Variants in KCNH7 observed in about 807,000 individuals in gnomAD.
KCNH7 encodes voltage-gated inwardly rectifying potassium channel KCNH7.
A neutral mutation model predicts 120.8 loss-of-function variants in KCNH7; 49 were observed. The observed-to-expected ratio is 0.41, with a 90% CI of 0.32 to 0.51. The LOEUF (loss-of-function observed/expected upper bound fraction) is 0.51, where lower values mean the gene tolerates loss of function less well. Ranked by LOEUF, KCNH7 falls within the 20% of genes least tolerant of loss-of-function variation. The pLI is 0.38. For missense variants in KCNH7, 1,097 were observed against 1,446.6 expected (o/e 0.76, Z 3.92); for synonymous variants, 547 against 516.1 (o/e 1.06, Z -0.81).
intron 8 of KCNH7, among the ~76,000 whole-genome samples, chr2:162,434,015 T>C (rs979022730): frequency 1.3e-5 from 2 of 151,916 alleles, no homozygotes; most frequent in African/African-American, 4.8e-5. Flanking sequence ...AAATAAAACG[T>C]AGTACATATA....
At chr2:162,558,503 C>CCTTTTTTTTTTTTTTTT (rs1553493184) in intron 2 of KCNH7, among the ~76,000 whole-genome samples, 1 of 80,696 alleles carries the variant, frequency 1.2e-5, no homozygotes. Context: ...TTCTCAATGG[C>CCTTTTTTTTTTTTTTTT]TTTTTTTTTT....
chr2:162,752,783 C>T (rs1688600157), intron 2 of KCNH7, among the ~76,000 whole-genome samples: 1 of 150,786 alleles, frequency 6.6e-6, no homozygotes, highest in Non-Finnish European at 1.5e-5. Flanking sequence ...CCTTGTAATC[C>T]CAGCTATTCA....
At chr2:162,746,248 G>C (rs1227471621) in intron 2 of KCNH7, among the ~76,000 whole-genome samples, 1 of 152,024 alleles carries the variant, frequency 6.6e-6, no homozygotes, top group Admixed American at 6.5e-5. Context: ...ACTGTGGATT[G>C]CAGCAGAATC....
intron 2 of KCNH7, among the ~76,000 whole-genome samples, chr2:162,711,755 G>T (rs981199440): frequency 2.0e-5 from 3 of 152,000 alleles, no homozygotes; most frequent in Non-Finnish European, 4.4e-5. Context: ...ACGTTTTCTT[G>T]TTCCTCTAAA....
At chr2:162,496,396 T>C (rs1384510358) in intron 6 of KCNH7, among the ~76,000 whole-genome samples, 1 of 152,064 alleles carries the variant, frequency 6.6e-6, no homozygotes, top group African/African-American at 2.4e-5. Context: ...AGGGCCCGCA[T>C]GCGCACTGGG....
At chr2:162,626,881 A>G (rs1331618759) in intron 2 of KCNH7, among the ~76,000 whole-genome samples, 2 of 152,162 alleles carry the variant, frequency 1.3e-5, no homozygotes, top group Non-Finnish European at 2.9e-5. Context: ...CTGCTGAATT[A>G]TTTCTCCAAA....
chr2:162,638,307 A>AT (rs1476399493), intron 2 of KCNH7, among the ~76,000 whole-genome samples: 1 of 152,086 alleles, frequency 6.6e-6, no homozygotes, highest in African/African-American at 2.4e-5. Flanking sequence ...CATCAGTTGC[A>AT]TTTTTTATAC....
intron 7 of KCNH7, among the ~76,000 whole-genome samples, chr2:162,438,990 C>A (rs1688341311): frequency 6.6e-6 from 1 of 152,058 alleles, no homozygotes; most frequent in Non-Finnish European, 1.5e-5. Flanking sequence ...AATGGGCCAT[C>A]TTTATGTTAC....
intron 9 of KCNH7, among the ~76,000 whole-genome samples, chr2:162,417,655 C>G (rs148759532): frequency 0.017 from 2,563 of 152,152 alleles, 199 homozygotes; most frequent in Admixed American, 0.15. Context: ...CATTATTTTT[C>G]TTGACTTAAG....
rs1190695096 is a variant in KCNH7, at chr2:162,399,088, G to A, written c.2407+1101C>T. Among the ~76,000 whole-genome samples, 9 of 151,894 alleles carry A rather than the reference G, an allele frequency of 5.9e-5. No homozygotes were observed. In the South Asian group the frequency reaches 1.7e-3, roughly 28 times the overall value. The stretch of plus-strand genomic sequence containing the variant: ...ATCATATGTGAACATCAAAAGCTAA[G>A]TGAGAGAAAATCATTGAATTACATG... On this transcript the variant is annotated intron_variant, in intron 10 of 15. Transcript: ENST00000332142.
rs201110928 is a variant in KCNH7, at chr2:162,590,012, AT to A, written c.308-52933del. ...GAAAACCATGCATGGTATATGGAAA[AT>A]TAGATTATTTTAATTCAATTCAGAA... is the stretch of plus-strand genomic sequence containing the variant. On this transcript the variant is annotated intron_variant, in intron 2 of 15. Coordinates refer to ENST00000332142, the MANE Select transcript of KCNH7 (RefSeq NM_033272.4). Among the ~76,000 whole-genome samples the A allele has an allele frequency of 5.7e-3, 861 of 152,210 alleles. 9 individuals are homozygous for A. The highest frequency in any genetic ancestry group is 0.02 in the African/African-American group (812 of 41,544).
At chr2:162,725,110 A>T (rs1687469528) in intron 2 of KCNH7, among the ~76,000 whole-genome samples, 1 of 152,218 alleles carries the variant, frequency 6.6e-6, no homozygotes, top group Admixed American at 6.5e-5. Flanking sequence ...ATCAAAGAAG[A>T]TTATTTCAAA....
intron 6 of KCNH7, among the ~76,000 whole-genome samples, chr2:162,455,925 T>A (rs1688946159): frequency 6.6e-6 from 1 of 152,140 alleles, no homozygotes; most frequent in Admixed American, 6.6e-5. Context: ...GTTTTTCGTG[T>A]CTCGATCTCC....
At position 162,507,803 on chromosome 2, in the gene KCNH7, A is replaced by G. The variant is rs933314207; in HGVS notation, c.914-3146T>C. ...TATTAATCATAATTAAATTTTAGTT[A>G]CTTCCCATTTTTAAAATTCATGTAT... On this transcript the variant is annotated intron_variant, in intron 5 of 15. Coordinates refer to ENST00000332142, the MANE Select transcript of KCNH7 (RefSeq NM_033272.4). 4.0e-5 allele frequency among the ~76,000 whole-genome samples: 6 copies of G among 151,594 alleles called. 1 individual carries two copies. The highest frequency in any genetic ancestry group is 8.9e-5 in the Non-Finnish European group (6 of 67,672).
At position 162,500,087 on chromosome 2, in the gene KCNH7, C is replaced by T. The variant is rs781575814; in HGVS notation, c.1128+4356G>A. Reference sequence around the variant, plus strand: ...GCCTTTTAATTCTGAATTCCCAGCACCTAGCACTGTGTGTGTTTATACATT... The same window carrying T: ...GCCTTTTAATTCTGAATTCCCAGCATCTAGCACTGTGTGTGTTTATACATT... On this transcript the variant is annotated intron_variant, in intron 6 of 15. Coordinates refer to ENST00000332142, the MANE Select transcript of KCNH7 (RefSeq NM_033272.4). 1.9e-4 allele frequency among the ~76,000 whole-genome samples: 28 copies of T among 150,416 alleles called. 1 individual carries two copies. The highest frequency in any genetic ancestry group is 1.7e-3 in the Admixed American group (25 of 14,986).
At chr2:162,738,990 C>A (rs1688020188) in intron 2 of KCNH7, among the ~76,000 whole-genome samples, 1 of 152,254 alleles carries the variant, frequency 6.6e-6, no homozygotes, top group African/African-American at 2.4e-5. Flanking sequence ...CTCTGACACA[C>A]CTGCTCTGCT....
At chr2:162,753,016 A>C (rs1688652127) in intron 2 of KCNH7, among the ~76,000 whole-genome samples, 2 of 147,910 alleles carry the variant, frequency 1.4e-5, no homozygotes, top group Non-Finnish European at 1.5e-5. Flanking sequence ...AAGAAAAGAA[A>C]AGAAAAGAAA....
At chr2:162,832,460 T>C (rs16847430) in intron 2 of KCNH7, among the ~76,000 whole-genome samples, 11,388 of 152,180 alleles carry the variant, frequency 0.075, 818 homozygotes, top group African/African-American at 0.19. Flanking sequence ...CACATAAGCA[T>C]GTTTATTTTA....
Position 162,446,394 on chromosome 2 carries a change from G to A in KCNH7, c.1178C>T (p.Pro393Leu). 2 of 1,613,306 alleles carry A rather than the reference G, an allele frequency of 1.2e-6. No individual in the cohort carries two copies. Among genetic ancestry groups the A allele is most frequent in the Non-Finnish European group, 1.7e-6 (2 of 1,179,602 alleles). ...CAATATCGTAAACTTGTTGATGCGT[G>A]GTGTCTGCAGTTTGTATTCAGGTAG... ...DVLPEYKLQT[P>L]RINKFTILHY... The change falls in exon 7 of 16, where the codon CCA becomes CTA. Residue 393 changes from proline (P) to leucine (L), a missense_variant. This residue lies in a region of KCNH7 where 362 missense variants were observed against 372.2 expected (regional missense o/e 0.97). Coordinates refer to ENST00000332142, the MANE Select transcript of KCNH7 (RefSeq NM_033272.4).
Sources: gnomAD v4.1 joint callset for allele counts (sites outside exome capture counted in the v4.1 genomes callset) on GRCh38, gnomAD v4.1.1 for gene constraint, gnomAD v4.1.1 regional missense constraint, MANE v1.5 for transcripts, NCBI Gene and HGNC (gene_info 2026-07-23, HGNC 2026-07-21) for gene names.